NPAS3: variants seen among roughly 807,000 people sequenced by gnomAD.
NPAS3 encodes the protein neuronal PAS domain protein 3.
A neutral mutation model predicts 73.1 loss-of-function variants in NPAS3; 14 were observed. The observed-to-expected ratio is 0.19, with a 90% CI of 0.13 to 0.30. NPAS3 has a LOEUF of 0.30. NPAS3 is among the 10% of genes least tolerant of loss of function. The pLI is 1.00. For missense variants in NPAS3, 1,096 were observed against 1,250.0 expected (o/e 0.88, Z 1.86); for synonymous variants, 620 against 541.5 (o/e 1.14, Z -2.01).
chr14:33,094,901 CAT>C (rs1167648201), intron 2 of NPAS3, among the ~76,000 whole-genome samples: 1 of 152,190 alleles, frequency 6.6e-6, no homozygotes, highest in Non-Finnish European at 1.5e-5. Flanking sequence ...CATGTTACCA[CAT>C]GTGTATCTTG....
At chr14:33,564,900 G>A (rs572853589) in intron 5 of NPAS3, among the ~76,000 whole-genome samples, 12 of 152,200 alleles carry the variant, frequency 7.9e-5, no homozygotes, top group African/African-American at 2.2e-4. Context: ...AATACCCTAC[G>A]TGCCAGCTAA....
At chr14:32,985,803 T>C (rs2038072591) in intron 1 of NPAS3, among the ~76,000 whole-genome samples, 1 of 152,198 alleles carries the variant, frequency 6.6e-6, no homozygotes. Context: ...TGATTCTCCA[T>C]AATGCAAGGA....
intron 7 of NPAS3, among the ~76,000 whole-genome samples, chr14:33,750,958 C>T (rs1376606908): frequency 6.6e-6 from 1 of 152,046 alleles, no homozygotes; most frequent in East Asian, 1.9e-4. Context: ...GATAGGCTCA[C>T]CTACAGAGAT....
chr14:33,620,503 TATAC>T (rs1266439376), intron 5 of NPAS3, among the ~76,000 whole-genome samples: 1 of 152,208 alleles, frequency 6.6e-6, no homozygotes, highest in Non-Finnish European at 1.5e-5. Context: ...ATGTGCTGTA[TATAC>T]GTGTGCATTC....
At chr14:33,777,275 GAAA>G (rs2062849340) in intron 8 of NPAS3, among the ~76,000 whole-genome samples, 2 of 152,092 alleles carry the variant, frequency 1.3e-5, no homozygotes. Flanking sequence ...TGTCATACCT[GAAA>G]CCCATGAAAT....
At chr14:33,006,102 C>T (rs545262547) in intron 1 of NPAS3, among the ~76,000 whole-genome samples, 1 of 152,286 alleles carries the variant, frequency 6.6e-6, no homozygotes, top group African/African-American at 2.4e-5. Context: ...TCTCTGGAGC[C>T]TACTTGTCTC....
At chr14:33,213,599 G>A (rs2047115825) in intron 2 of NPAS3, 1 of 152,140 alleles carries the variant, frequency 6.6e-6, no homozygotes, top group Non-Finnish European at 1.5e-5. Context: ...TGGGAAATAA[G>A]TGACAAAACA....
intron 1 of NPAS3, among the ~76,000 whole-genome samples, chr14:33,022,693 CTTTTGTGT>C (rs1251412317): frequency 1.4e-5 from 2 of 145,468 alleles, no homozygotes; most frequent in African/African-American, 5.0e-5. Flanking sequence ...AAAAAAGTTA[CTTTTGTGT>C]AAGAAAACCC....
At chr14:33,572,014 G>C (rs933080326) in intron 5 of NPAS3, among the ~76,000 whole-genome samples, 5 of 151,908 alleles carry the variant, frequency 3.3e-5, no homozygotes, top group Non-Finnish European at 7.4e-5. Context: ...TTTTCACAAG[G>C]GTATTTCATT....
chr14:33,553,148 C>CA (rs1173296066), intron 4 of NPAS3, among the ~76,000 whole-genome samples: 1 of 152,112 alleles, frequency 6.6e-6, no homozygotes, highest in African/African-American at 2.4e-5. Flanking sequence ...GCTGGATGTT[C>CA]AAATCAATAA....
intron 2 of NPAS3, among the ~76,000 whole-genome samples, chr14:33,063,328 C>G (rs1400360352): frequency 2.0e-5 from 3 of 152,154 alleles, no homozygotes; most frequent in Non-Finnish European, 4.4e-5. Flanking sequence ...CCACATTTTA[C>G]AGATAAGGTA....
At chr14:33,171,666 A>C (rs1462770185) in intron 2 of NPAS3, among the ~76,000 whole-genome samples, 1 of 152,188 alleles carries the variant, frequency 6.6e-6, no homozygotes, top group East Asian at 1.9e-4. Context: ...TCTCCCTGTC[A>C]GCAATAAGCC....
At chr14:33,427,686 G>A (rs971469326) in intron 4 of NPAS3, among the ~76,000 whole-genome samples, 2 of 151,852 alleles carry the variant, frequency 1.3e-5, no homozygotes, top group African/African-American at 4.8e-5. Flanking sequence ...AAAATTGTTG[G>A]AATATAAATT....
chr14:33,654,650 C>T (rs1444724876), intron 5 of NPAS3, among the ~76,000 whole-genome samples: 2 of 152,152 alleles, frequency 1.3e-5, no homozygotes, highest in Non-Finnish European at 2.9e-5. Flanking sequence ...AAACCATCTG[C>T]CTTCAAAGCA....
chr14:33,782,279 A>T (rs1020491076), intron 9 of NPAS3, among the ~76,000 whole-genome samples: 3 of 152,042 alleles, frequency 2.0e-5, no homozygotes, highest in Non-Finnish European at 4.4e-5. Flanking sequence ...GGCTTGGGAG[A>T]TGATCACTCA....
intron 4 of NPAS3, among the ~76,000 whole-genome samples, chr14:33,552,984 T>C (rs2055189132): frequency 6.6e-6 from 1 of 152,184 alleles, no homozygotes; most frequent in Non-Finnish European, 1.5e-5. Flanking sequence ...AGAATAACTA[T>C]TGGAATCCTC....
chr14:33,541,927 T>G (rs74044834), intron 4 of NPAS3, among the ~76,000 whole-genome samples: 2,748 of 152,264 alleles, frequency 0.018, 67 homozygotes, highest in African/African-American at 0.058. Context: ...AGGTTAATTT[T>G]TTTTTCTTTA....
At chr14:33,090,199 CT>C (rs2138800829) in intron 2 of NPAS3, among the ~76,000 whole-genome samples, 1 of 152,322 alleles carries the variant, frequency 6.6e-6, no homozygotes, top group South Asian at 2.1e-4. Context: ...AAGACACAGT[CT>C]GGCAAATTGG....
rs921207190 is a variant in NPAS3, at chr14:33,418,646, G to T, written c.468+51378G>T. Among the ~76,000 whole-genome samples, 5 of 146,880 alleles carry T rather than the reference G, an allele frequency of 3.4e-5. No homozygotes were observed. In the Admixed American group the frequency reaches 3.4e-4, roughly 10 times the overall value. On this transcript the variant is annotated intron_variant, in intron 4 of 11. Transcript: ENST00000356141. ...ACTAGCAATTTTATTTTTCTATTTA[G>T]AATATCCTCCATTTTTTATTTTTAT... is the stretch of plus-strand genomic sequence containing the variant.
Sources: allele counts gnomAD v4.1 joint callset (sites outside exome capture counted in the v4.1 genomes callset), GRCh38; gene constraint gnomAD v4.1.1; transcripts MANE v1.5; gene names NCBI Gene and HGNC (gene_info 2026-07-23, HGNC 2026-07-21).